NRXN3: variants seen among roughly 807,000 people sequenced by gnomAD.
The protein encoded by NRXN3 is neurexin 3.
NRXN3 carries 32 observed loss-of-function variants against 137.6 expected under a neutral mutation model. The observed-to-expected ratio is 0.23, with a 90% confidence interval of 0.18 to 0.31. The LOEUF (loss-of-function observed/expected upper bound fraction) is 0.31. Among genes scored for constraint, NRXN3 ranks in the 10% least tolerant of loss-of-function variants. The probability of loss-of-function intolerance (pLI) is 1.00; values close to 1 mark genes in which losing one functional copy is unlikely to be tolerated. For missense variants in NRXN3, 1,574 were observed against 2,062.5 expected (o/e 0.76, Z 4.59); for synonymous variants, 798 against 784.5 (o/e 1.02, Z -0.29).
chr14:79,205,216 C>A (rs1366701188), intron 15 of NRXN3, among the ~76,000 whole-genome samples: 1 of 152,100 alleles, frequency 6.6e-6, no homozygotes, highest in Non-Finnish European at 1.5e-5. Context: ...AATGGAATGC[C>A]CTGTAGCTTG....
At chr14:79,202,951 C>A (rs2066267001) in intron 15 of NRXN3, among the ~76,000 whole-genome samples, 1 of 152,136 alleles carries the variant, frequency 6.6e-6, no homozygotes, top group African/African-American at 2.4e-5. Context: ...TTTAAGGAAT[C>A]TCCACACTAG....
At position 79,603,995 on chromosome 14, in the gene NRXN3, C is replaced by T. The variant is rs373825637; in HGVS notation, c.3445-59783C>T. 1.0e-3 allele frequency among the ~76,000 whole-genome samples: 155 copies of T among 152,284 alleles called. 7 individuals carry two copies. The South Asian group carries it at 0.031, about 31-fold the overall frequency. ...CTCCACCTCCCAGGTTCAAGCGATT[C>T]TCCTGCCTCAGCCTCCCGAGTGGCT... On this transcript the variant is annotated intron_variant, in intron 16 of 20. Transcript: ENST00000335750.
At chr14:79,041,268 T>C (rs1568084174) in intron 15 of NRXN3, among the ~76,000 whole-genome samples, 1 of 152,170 alleles carries the variant, frequency 6.6e-6, no homozygotes, top group African/African-American at 2.4e-5. Flanking sequence ...TCAGAAATTT[T>C]TGTGAAATAA....
At chr14:79,746,469 T>C (rs2098980042) in intron 19 of NRXN3, among the ~76,000 whole-genome samples, 1 of 152,132 alleles carries the variant, frequency 6.6e-6, no homozygotes, top group Non-Finnish European at 1.5e-5. Context: ...GCTGCTCTTG[T>C]CATCCTCATC....
At chr14:78,744,470 T>A (rs1319928323) in intron 8 of NRXN3, 1 of 152,186 alleles carries the variant, frequency 6.6e-6, no homozygotes, top group Non-Finnish European at 1.5e-5. Context: ...TGTGTTTGCC[T>A]TGGAGAAAAA....
intron 1 of NRXN3, among the ~76,000 whole-genome samples, chr14:78,235,026 G>GTATATATATATATATATATATATATA (rs377371263): frequency 1.1e-5 from 1 of 87,306 alleles, no homozygotes; most frequent in Non-Finnish European, 2.2e-5. Flanking sequence ...ATATATATGT[G>GTATATATATATATATATATATATATA]TATATATATA....
chr14:79,152,159 C>G (rs1005104671), intron 15 of NRXN3, among the ~76,000 whole-genome samples: 15 of 151,980 alleles, frequency 9.9e-5, no homozygotes, highest in African/African-American at 3.1e-4. Flanking sequence ...TTCTTTCACT[C>G]AACAATCATT....
chr14:79,059,250 C>CTTTTTTTTTTTTTTTTTTTTTTTTTTTTT (rs869266975), intron 15 of NRXN3, among the ~76,000 whole-genome samples: 16 of 78,280 alleles, frequency 2.0e-4, no homozygotes, highest in Admixed American at 4.9e-4. Flanking sequence ...AGGCCCTATT[C>CTTTTTTTTTTTTTTTTTTTTTTTTTTTTT]TTTTTTTTTT....
intron 4 of NRXN3, among the ~76,000 whole-genome samples, chr14:78,368,254 A>T (rs904914985): frequency 9.9e-5 from 15 of 152,228 alleles, no homozygotes; most frequent in Non-Finnish European, 1.9e-4. Context: ...GCATTTAAAA[A>T]CAATGTAGAA....
intron 4 of NRXN3, among the ~76,000 whole-genome samples, chr14:78,555,388 T>C (rs2096728672): frequency 6.6e-6 from 1 of 152,192 alleles, no homozygotes; most frequent in African/African-American, 2.4e-5. Flanking sequence ...AGGAATAGAA[T>C]TGGCTCTAGA....
At chr14:78,909,821 C>G (rs2099231486) in intron 10 of NRXN3, among the ~76,000 whole-genome samples, 1 of 152,144 alleles carries the variant, frequency 6.6e-6, no homozygotes, top group East Asian at 1.9e-4. Context: ...TCTACTTGCC[C>G]ATGAAGTTCA....
chr14:78,255,032 C>T (rs1324427232), intron 2 of NRXN3, among the ~76,000 whole-genome samples: 1 of 151,950 alleles, frequency 6.6e-6, no homozygotes, highest in Non-Finnish European at 1.5e-5. Context: ...TTAGGCAGGG[C>T]TGGAAGATCT....
intron 16 of NRXN3, among the ~76,000 whole-genome samples, chr14:79,544,178 G>T (rs775661828): frequency 4.6e-5 from 7 of 152,358 alleles, no homozygotes; most frequent in South Asian, 4.1e-4. Flanking sequence ...CTGAGCTTTC[G>T]ATTCTGTCAG....
At chr14:78,899,196 G>A (rs1394527799) in intron 10 of NRXN3, among the ~76,000 whole-genome samples, 2 of 151,882 alleles carry the variant, frequency 1.3e-5, no homozygotes, top group Non-Finnish European at 2.9e-5. Context: ...AACAGGAAGA[G>A]AGAAAAAGAA....
At position 79,208,360 on chromosome 14, in the gene NRXN3, A is replaced by AT. The variant is rs371589117; in HGVS notation, c.3262+220226dup. ...ATTAGGCTCTATGCCATCATGGTTC[A>AT]TTTTTTTCTAAAGCTGAGCCAAGAA... On this transcript the variant is annotated intron_variant, in intron 15 of 20. Transcript: ENST00000335750. Among the ~76,000 whole-genome samples the AT allele has an allele frequency of 3.4e-3, 519 of 152,182 alleles. 1 individual carries two copies. The highest frequency in any genetic ancestry group is 0.011 in the African/African-American group (467 of 41,524).
At chr14:78,640,210 C>A (rs2097608764) in intron 4 of NRXN3, among the ~76,000 whole-genome samples, 1 of 152,186 alleles carries the variant, frequency 6.6e-6, no homozygotes, top group African/African-American at 2.4e-5. Context: ...GTAAACCTCA[C>A]TATATCCAGG....
intron 19 of NRXN3, among the ~76,000 whole-genome samples, chr14:79,710,139 G>C (rs1370325029): frequency 6.6e-6 from 1 of 152,076 alleles, no homozygotes. Context: ...TCCATCTGCG[G>C]CTTCTGATTT....
At chr14:79,238,657 G>A (rs2073823966) in intron 15 of NRXN3, among the ~76,000 whole-genome samples, 1 of 151,946 alleles carries the variant, frequency 6.6e-6, no homozygotes, top group Non-Finnish European at 1.5e-5. Flanking sequence ...TATAATATCA[G>A]TAGGTCTAGA....
At chr14:79,626,626 C>T (rs1297529391) in intron 16 of NRXN3, among the ~76,000 whole-genome samples, 1 of 152,038 alleles carries the variant, frequency 6.6e-6, no homozygotes, top group Non-Finnish European at 1.5e-5. Flanking sequence ...TGAAATATGA[C>T]ATTTGATTTT....
Sources: gnomAD v4.1 joint callset for allele counts (sites outside exome capture counted in the v4.1 genomes callset) on GRCh38, gnomAD v4.1.1 for gene constraint, MANE v1.5 for transcripts, NCBI Gene and HGNC (gene_info 2026-07-23, HGNC 2026-07-21) for gene names.